The following SCYL1 variants were observed in gnomAD, a reference collection of about 807,000 sequenced individuals.
SCYL1 encodes N-terminal kinase-like protein.
A neutral mutation model predicts 94.8 loss-of-function variants in SCYL1; 85 were observed. The ratio of observed to expected loss-of-function variants is 0.90; its 90% confidence interval spans 0.75 to 1.07. The LOEUF is 1.07. SCYL1 is among the 50% of genes least tolerant of loss of function. The pLI is 0.00. For missense variants in SCYL1, 968 were observed against 1,083.3 expected (o/e 0.89, Z 1.49); for synonymous variants, 459 against 435.5 (o/e 1.05, Z -0.67).
At position 65,538,678 on chromosome 11, in the gene SCYL1, CAG is replaced by C; in HGVS notation, c.*115_*116del. On this transcript the variant is annotated 3_prime_UTR_variant, in exon 18 of 18. Transcript: ENST00000270176. ...CCAGGCCATCTCACGTGTACATAATCAGAGCCACAATAAATTCTATTTCACAC... is the reference window on the plus strand; with the variant it reads ...CCAGGCCATCTCACGTGTACATAATCAGCCACAATAAATTCTATTTCACAC... 7.8e-7 allele frequency: 1 copy of C among 1,284,698 alleles called. No individual in the cohort carries two copies. The highest frequency in any genetic ancestry group is 1.1e-6 in the Non-Finnish European group (1 of 951,468). 79.6% of individuals were successfully genotyped at this position (1,284,698 alleles called of 1,614,324 possible).
chr11:65,531,879 G>A (rs139690851), intron 8 of SCYL1, among the ~76,000 whole-genome samples, 196 bp downstream of exon 8: 77 of 152,340 alleles, frequency 5.1e-4, no homozygotes, highest in Non-Finnish European at 8.1e-4. Flanking sequence ...GGAATGGCCA[G>A]CTTGCCCAGG....
At chr11:65,536,940 C>T in intron 13 of SCYL1, 46 bp from the exon 14 acceptor site, 3 of 1,533,718 alleles carry the variant, frequency 2.0e-6, no homozygotes, top group Non-Finnish European at 2.7e-6. Flanking sequence ...AGCCTCTGCC[C>T]TGTCCCAAGA....
intron 10 of SCYL1, 129 bp downstream of exon 10, chr11:65,535,511 C>T: frequency 8.3e-7 from 1 of 1,212,064 alleles, no homozygotes; most frequent in South Asian, 1.5e-5. Context: ...CTGTTGGCCC[C>T]ATATCTGGGT....
At position 65,536,123 on chromosome 11, in the gene SCYL1, G is replaced by A. The variant is rs745306335; in HGVS notation, c.1557G>A (p.Glu519=). ...PVLCGLTVDP[E]KSVRDQAFKA... ...TCTGCGGTCTCACTGTAGATCCTGA[G>A]AAATCCGTGCGAGACCAGGTGAGGC... The change falls in exon 11 of 18, where the codon GAG becomes GAA. Residue 519 remains glutamate (E), a synonymous_variant. Transcript: ENST00000270176. The A allele has an allele frequency of 6.2e-7, 1 of 1,613,806 alleles. No individual in the cohort carries two copies.
intron 7 of SCYL1, among the ~76,000 whole-genome samples, chr11:65,531,348 G>A (rs1855351568): frequency 6.6e-6 from 1 of 152,166 alleles, no homozygotes; most frequent in African/African-American, 2.4e-5. Context: ...CTGTTTGTAG[G>A]GAGGGGCCCA....
intron 11 of SCYL1, 59 bp downstream of exon 11, chr11:65,536,200 C>G: frequency 6.2e-7 from 1 of 1,605,338 alleles, no homozygotes; most frequent in Non-Finnish European, 8.5e-7. Flanking sequence ...CAGCCCCTAG[C>G]TGGCCTGGTA....
rs1474276051 is a variant in SCYL1 at position 65,526,139 on chromosome 11, C to T, written c.391C>T (p.Leu131=). 1.9e-6 allele frequency: 3 copies of T among 1,613,044 alleles called. No homozygotes were observed. The highest frequency in any genetic ancestry group is 2.5e-6 in the Non-Finnish European group (3 of 1,179,948). ...TTGCCCCCAGAAAGCCCTCAGCTTC[C>T]TGGTCAACGACTGCAGCCTCATCCA... The part of the protein sequence containing the change: ...LHQIVKALSF[L]VNDCSLIHNN... Residue 131 remains leucine (L), a synonymous_variant, in exon 4 of 18, where the codon CTG becomes TTG. Coordinates refer to ENST00000270176, the MANE Select transcript of SCYL1 (RefSeq NM_020680.4). This position sits in a 1 kb window ranked among gnomAD's most constrained non-coding sequence, Gnocchi z 4.1.
In SCYL1 at chr11:65,526,476, C is replaced by T. The variant is rs115798005; in HGVS notation, c.602+126C>T. 2.0e-3 allele frequency: 1,610 copies of T among 822,914 alleles called. 17 individuals carry two copies. The African/African-American group carries it at 0.025, about 13-fold the overall frequency. 51.0% of individuals were successfully genotyped at this position (822,914 alleles called of 1,614,324 possible). A position where few individuals can be genotyped will look rare whatever the true frequency, so the allele number is the denominator to read the frequency against. On this transcript the variant is annotated intron_variant, in intron 4 of 17. Transcript: ENST00000270176. The surrounding 1 kb of genome is among the most constrained non-coding windows in gnomAD (Gnocchi z 4.1). ...CTGGCTGGGGAGGGAATCAGTGTCCCAGGAGTGAGGGACACTCCTCTGCCC... is the reference window on the plus strand; with the variant it reads ...CTGGCTGGGGAGGGAATCAGTGTCCTAGGAGTGAGGGACACTCCTCTGCCC...
At chr11:65,532,837 C>T (rs1855454944) in intron 9 of SCYL1, 32 bp downstream of exon 9, 1 of 1,563,774 alleles carries the variant, frequency 6.4e-7, no homozygotes, top group Non-Finnish European at 8.8e-7. Flanking sequence ...GTGGCTACCC[C>T]TGGTTTTCCA....
chr11:65,526,060 T>C lies in SCYL1; in HGVS notation c.375+17T>C. ...CAGATCGTGGTGAGGTGGGGGGCAG[T>C]GGTGATGAGAGCAGGGATGGGGGGT... On this transcript the variant is annotated intron_variant, in intron 3 of 17. Coordinates refer to ENST00000270176, the MANE Select transcript of SCYL1 (RefSeq NM_020680.4). This position sits in a 1 kb window ranked among gnomAD's most constrained non-coding sequence, Gnocchi z 4.1. The C allele has an allele frequency of 6.2e-7, 1 of 1,611,144 alleles. No individual in the cohort carries two copies. The highest frequency in any genetic ancestry group is 8.5e-7 in the Non-Finnish European group (1 of 1,178,846).
Position 65,526,699 on chromosome 11 carries a change from C to A in SCYL1, c.603-84C>A. ...AGGGACATAGCCAGGCCCTGGCATGCAGTGGGTGCCTGGTGCCCAAGGCAG... is the reference window on the plus strand; with the variant it reads ...AGGGACATAGCCAGGCCCTGGCATGAAGTGGGTGCCTGGTGCCCAAGGCAG... On this transcript the variant is annotated intron_variant, in intron 4 of 17. Transcript: ENST00000270176. This position sits in a 1 kb window ranked among gnomAD's most constrained non-coding sequence, Gnocchi z 4.1. The A allele has an allele frequency of 1.5e-6, 2 of 1,314,164 alleles. No homozygotes were observed. The highest frequency in any genetic ancestry group is 2.1e-6 in the Non-Finnish European group (2 of 937,532). The allele number at this position is 1,314,164 out of a possible 1,614,324, so 81.4% of individuals were successfully genotyped here.
rs1158673261 is a variant in SCYL1, at chr11:65,525,915, C to T, written c.253-6C>T. 2 of 1,612,608 alleles carry T rather than the reference C, an allele frequency of 1.2e-6. No homozygotes were observed. Among genetic ancestry groups the T allele is most frequent in the Non-Finnish European group, 1.7e-6 (2 of 1,179,368 alleles). On this transcript the variant is annotated splice_polypyrimidine_tract_variant and splice_region_variant and intron_variant, in intron 2 of 17. Transcript: ENST00000270176. Reference sequence around the variant, plus strand: ...GCCCTTGATAACCCTGTGTCCCCTTCCCCAGACAGAAAAATGCCTCCACGT... The same window carrying T: ...GCCCTTGATAACCCTGTGTCCCCTTTCCCAGACAGAAAAATGCCTCCACGT...
In SCYL1 at chr11:65,538,443, A is replaced by T. The variant is rs1416470154; in HGVS notation, c.2304A>T (p.Arg768=). 25 of 1,556,986 alleles carry T rather than the reference A, an allele frequency of 1.6e-5. No individual in the cohort carries two copies. The highest frequency in any genetic ancestry group is 2.2e-5 in the Non-Finnish European group (25 of 1,152,186). ...CGGGGCTCCCCTTCCTGACGCCAGG[A>T]CAGGTCAAGGCTGAGCTGGCCCGGA... ...DNWEGLETDS[R]QVKAELARKK... Residue 768 remains arginine, a splice_region_variant and synonymous_variant, in exon 18 of 18, where the codon CGA becomes CGT. Transcript: ENST00000270176.
rs199946104 is a variant in SCYL1, at chr11:65,537,979, G to A, written c.2044G>A (p.Asp682Asn). ...CGCTCTTCTACAGGTCAGCAACTCC[G>A]ACCACAAATCCTCCAAATCCCCAGA... ...VSRASQVSNS[D>N]HKSSKSPESD... Residue 682 changes from aspartate (D) to asparagine (N), a missense_variant, in exon 16 of 18, where the codon GAC becomes AAC. This residue lies in a region of SCYL1 where 474 missense variants were observed against 463.6 expected (regional missense o/e 1.02). Transcript: ENST00000270176. 1.1e-3 allele frequency: 1,714 copies of A among 1,611,182 alleles called. 8 individuals are homozygous for A. The Middle Eastern group carries it at 0.02, about 19-fold the overall frequency.
intron 6 of SCYL1, 82 bp downstream of exon 6, chr11:65,527,199 G>GA: frequency 6.7e-7 from 1 of 1,492,674 alleles, no homozygotes; most frequent in Non-Finnish European, 9.2e-7. Flanking sequence ...CCTCACAATT[G>GA]ACCCTCAGGA....
rs1051977095 is a variant in SCYL1, at chr11:65,535,472, C to T, written c.1386+90C>T. 2.7e-6 allele frequency: 4 copies of T among 1,506,324 alleles called. No homozygotes were observed. The African/African-American group carries it at 4.1e-5, about 16-fold the overall frequency. 93.3% of individuals were successfully genotyped at this position (1,506,324 alleles called of 1,614,324 possible). On this transcript the variant is annotated intron_variant, in intron 10 of 17. Coordinates refer to ENST00000270176, the MANE Select transcript of SCYL1 (RefSeq NM_020680.4). ...CAGGAGTCTTGTGTGTGGGGGCCTT[C>T]ATTCTCCCAGAGACTTAGACCCTGC...
At chr11:65,528,534 G>A (rs984722110) in intron 6 of SCYL1, among the ~76,000 whole-genome samples, 2 of 152,166 alleles carry the variant, frequency 1.3e-5, no homozygotes, top group South Asian at 2.1e-4. Flanking sequence ...CGGGGCTGGC[G>A]GATTATTTGA....
rs1855323902 is a variant in SCYL1 at position 65,530,781 on chromosome 11, C to G, written c.1002C>G (p.Leu334=). ...CTGGGGCCGTTGTCCTCACGCCCCTCTTCAAGGTGAGTGGAACTGTGGGGT... is the reference window on the plus strand; with the variant it reads ...CTGGGGCCGTTGTCCTCACGCCCCTGTTCAAGGTGAGTGGAACTGTGGGGT... ...GNAGAVVLTP[L]FKVGKFLSAE... Residue 334 remains leucine (L), a synonymous_variant, in exon 7 of 18, where the codon CTC becomes CTG. Coordinates refer to ENST00000270176, the MANE Select transcript of SCYL1 (RefSeq NM_020680.4). 1 of 1,610,954 alleles carries G rather than the reference C, an allele frequency of 6.2e-7. No individual in the cohort carries two copies. The highest frequency in any genetic ancestry group is 1.3e-5 in the African/African-American group (1 of 74,884).
At position 65,537,976 on chromosome 11, in the gene SCYL1, T is replaced by TC. The variant is rs1855783763; in HGVS notation, c.2043dup (p.Asp682ArgfsTer18). The TC allele has an allele frequency of 1.2e-6, 2 of 1,611,008 alleles. No individual in the cohort carries two copies. Among genetic ancestry groups the TC allele is most frequent in the Non-Finnish European group, 1.7e-6 (2 of 1,178,368 alleles). ...TCCCGCTCTTCTACAGGTCAGCAAC[T>TC]CCGACCACAAATCCTCCAAATCCCC... On this transcript the variant is annotated frameshift_variant, in exon 16 of 18. Coordinates refer to ENST00000270176, the MANE Select transcript of SCYL1 (RefSeq NM_020680.4). LOFTEE classifies it high-confidence loss of function.
Sources: gnomAD v4.1 joint callset for allele counts (sites outside exome capture counted in the v4.1 genomes callset) on GRCh38, gnomAD v4.1.1 for gene constraint, gnomAD v4.1.1 regional missense constraint, Gnocchi (gnomAD v3.1) non-coding constraint, MANE v1.5 for transcripts, NCBI Gene and HGNC (gene_info 2026-07-23, HGNC 2026-07-21) for gene names.